CTNND2: variants seen among roughly 807,000 people sequenced by gnomAD.
CTNND2 encodes the protein catenin delta 2.
Under a neutral mutation model 144.4 loss-of-function variants are expected in CTNND2, and 22 were observed. The ratio of observed to expected loss-of-function variants is 0.15; its 90% CI spans 0.11 to 0.22. The LOEUF (loss-of-function observed/expected upper bound fraction) is 0.22, where lower values mean the gene tolerates loss of function less well. CTNND2 is among the 10% of genes least tolerant of loss of function. The pLI, the probability that CTNND2 is intolerant of heterozygous loss-of-function variation, is 1.00. For missense variants in CTNND2, 1,353 were observed against 1,618.8 expected (o/e 0.84, Z 2.82); for synonymous variants, 751 against 695.6 (o/e 1.08, Z -1.25).
intron 18 of CTNND2, among the ~76,000 whole-genome samples, chr5:10,995,375 G>A (rs1004481403): frequency 2.0e-4 from 30 of 152,266 alleles, no homozygotes; most frequent in African/African-American, 7.0e-4. Context: ...AATGCGTGAG[G>A]AGGAGAAGGA....
chr5:11,699,447 G>T (rs183697535), intron 2 of CTNND2, among the ~76,000 whole-genome samples: 630 of 152,264 alleles, frequency 4.1e-3, no homozygotes, highest in Non-Finnish European at 6.5e-3. Context: ...TTATTTATGG[G>T]TATGTGGAGT....
intron 2 of CTNND2, among the ~76,000 whole-genome samples, chr5:11,659,336 G>A (rs1454571683): frequency 6.6e-6 from 1 of 152,076 alleles, no homozygotes; most frequent in Non-Finnish European, 1.5e-5. Flanking sequence ...GGTATCTGCA[G>A]GTCCTGGAAC....
At chr5:11,108,521 TG>T (rs1391015475) in intron 14 of CTNND2, among the ~76,000 whole-genome samples, 13 of 152,224 alleles carry the variant, frequency 8.5e-5, no homozygotes, top group Middle Eastern at 3.2e-3. Context: ...GAAACAAAGA[TG>T]ATCATGAAAG....
chr5:11,674,932 T>C (rs1316328414), intron 2 of CTNND2, among the ~76,000 whole-genome samples: 1 of 152,162 alleles, frequency 6.6e-6, no homozygotes, highest in East Asian at 1.9e-4. Flanking sequence ...TTCACCATGC[T>C]GGCCGGGCTG....
intron 3 of CTNND2, among the ~76,000 whole-genome samples, chr5:11,539,633 T>C (rs968208711): frequency 5.3e-5 from 8 of 152,202 alleles, no homozygotes; most frequent in Admixed American, 2.0e-4. Context: ...GTCCTGCCAA[T>C]GGTCAGTGGA....
At chr5:11,849,797 G>A (rs1794929077) in intron 1 of CTNND2, among the ~76,000 whole-genome samples, 1 of 152,192 alleles carries the variant, frequency 6.6e-6, no homozygotes, top group Non-Finnish European at 1.5e-5. Flanking sequence ...GACTGGCACA[G>A]TGAGAAACAG....
intron 1 of CTNND2, among the ~76,000 whole-genome samples, chr5:11,881,007 C>CACCACTACTACT (rs1381320506): frequency 6.8e-6 from 1 of 146,952 alleles, no homozygotes; most frequent in East Asian, 2.0e-4. Flanking sequence ...GTACTACTAC[C>CACCACTACTACT]ACCACTACTA....
intron 3 of CTNND2, among the ~76,000 whole-genome samples, chr5:11,439,827 G>A (rs1446750963): frequency 6.6e-6 from 1 of 151,214 alleles, no homozygotes; most frequent in East Asian, 1.9e-4. Flanking sequence ...ATATATATGT[G>A]TATGTATATA....
intron 3 of CTNND2, among the ~76,000 whole-genome samples, chr5:11,452,405 T>C (rs1765381861): frequency 6.6e-6 from 1 of 152,118 alleles, no homozygotes; most frequent in Non-Finnish European, 1.5e-5. Context: ...CTTAAAAGTA[T>C]CGAAAAAATA....
intron 2 of CTNND2, among the ~76,000 whole-genome samples, chr5:11,657,904 T>G (rs926618765): frequency 6.6e-6 from 1 of 152,126 alleles, no homozygotes; most frequent in Admixed American, 6.6e-5. Flanking sequence ...CAATGCTTCA[T>G]ATTTTGAATG....
At chr5:11,268,058 T>C (rs1745634746) in intron 9 of CTNND2, among the ~76,000 whole-genome samples, 1 of 152,248 alleles carries the variant, frequency 6.6e-6, no homozygotes, top group African/African-American at 2.4e-5. Context: ...GGTGTGATTC[T>C]ACCAATGGTT....
chr5:11,334,876 G>A (rs527741767), intron 9 of CTNND2, among the ~76,000 whole-genome samples: 1 of 152,280 alleles, frequency 6.6e-6, no homozygotes, highest in East Asian at 1.9e-4. Context: ...AAAGAACAAA[G>A]CATATATTGA....
intron 11 of CTNND2, among the ~76,000 whole-genome samples, chr5:11,182,039 T>TGTGTGTGGGGTGTGTGTGGGGG (rs1476977775): frequency 8.4e-6 from 1 of 119,032 alleles, no homozygotes; most frequent in African/African-American, 3.3e-5. Flanking sequence ...GTATGTGTGG[T>TGTGTGTGGGGTGTGTGTGGGGG]GTGTGTGGGG....
chr5:11,378,725 C>G (rs1470713454), intron 7 of CTNND2, among the ~76,000 whole-genome samples: 1 of 152,204 alleles, frequency 6.6e-6, no homozygotes, highest in Non-Finnish European at 1.5e-5. Flanking sequence ...CAGTAGACTT[C>G]ACATTTCCTT....
At chr5:11,345,456 G>A (rs961610987) in intron 9 of CTNND2, among the ~76,000 whole-genome samples, 3 of 152,006 alleles carry the variant, frequency 2.0e-5, no homozygotes, top group African/African-American at 7.2e-5. Flanking sequence ...TTTTATATTT[G>A]CAGAAGTGAT....
intron 9 of CTNND2, among the ~76,000 whole-genome samples, chr5:11,256,427 T>C (rs1381616009): frequency 6.6e-6 from 1 of 152,194 alleles, no homozygotes; most frequent in Admixed American, 6.5e-5. Context: ...AATTTTGTAA[T>C]GATAATTTCC....
Position 11,181,138 on chromosome 5 carries a change from G to A in CTNND2, c.1975+18310C>T, listed in dbSNP as rs555750190. The stretch of plus-strand genomic sequence containing the variant: ...ACCAGGAGCAGGGTGCAGTGGCGGG[G>A]AGGGTGGACCCAATGACTGGAGTGG... On this transcript the variant is annotated intron_variant, in intron 11 of 21. Transcript: ENST00000304623. 3.9e-4 allele frequency among the ~76,000 whole-genome samples: 59 copies of A among 152,298 alleles called. 1 individual carries two copies. In the South Asian group the frequency reaches 0.012, roughly 31 times the overall value.
At position 11,819,378 on chromosome 5, in the gene CTNND2, T is replaced by C. The variant is rs191292699; in HGVS notation, c.37+84439A>G. Among the ~76,000 whole-genome samples the C allele has an allele frequency of 2.8e-3, 433 of 152,140 alleles. 4 individuals are homozygous for C. The highest frequency in any genetic ancestry group is 9.8e-3 in the African/African-American group (407 of 41,520). On this transcript the variant is annotated intron_variant, in intron 1 of 21. Coordinates refer to ENST00000304623, the MANE Select transcript of CTNND2 (RefSeq NM_001332.4). ...GAGCCCAGGAGGCAAGAGGTGGCAG[T>C]AAGCTGACATCACTCCACTTCACTC...
chr5:11,344,870 A>G (rs1754612925), intron 9 of CTNND2, among the ~76,000 whole-genome samples: 1 of 152,242 alleles, frequency 6.6e-6, no homozygotes, highest in Non-Finnish European at 1.5e-5. Context: ...AATAAAATGC[A>G]TTTAATACAC....
Sources: gnomAD v4.1 joint callset for allele counts (sites outside exome capture counted in the v4.1 genomes callset) on GRCh38, gnomAD v4.1.1 for gene constraint, MANE v1.5 for transcripts, NCBI Gene and HGNC (gene_info 2026-07-23, HGNC 2026-07-21) for gene names.